CAMTA1: variants seen among roughly 807,000 people sequenced by gnomAD.
CAMTA1 encodes calmodulin-binding transcription activator 1.
A neutral mutation model predicts 170.9 loss-of-function variants in CAMTA1; 27 were observed. The ratio of observed to expected loss-of-function variants is 0.16; its 90% CI spans 0.12 to 0.22. The LOEUF (loss-of-function observed/expected upper bound fraction) is 0.22. Among genes scored for constraint, CAMTA1 ranks in the 10% least tolerant of loss-of-function variants. The pLI is 1.00. For missense variants in CAMTA1, 1,619 were observed against 2,217.2 expected (o/e 0.73, Z 5.42); for synonymous variants, 833 against 891.5 (o/e 0.93, Z 1.17).
chr1:6,837,192 G>A (rs1570700460), intron 3 of CAMTA1, among the ~76,000 whole-genome samples: 2 of 152,084 alleles, frequency 1.3e-5, no homozygotes, highest in Non-Finnish European at 2.9e-5. Flanking sequence ...TCCTGACCTC[G>A]TGATCCACCC....
intron 5 of CAMTA1, among the ~76,000 whole-genome samples, chr1:7,429,196 G>A (rs767984471): frequency 1.1e-4 from 16 of 152,180 alleles, no homozygotes; most frequent in Non-Finnish European, 2.1e-4. Flanking sequence ...CTGAGCATCC[G>A]TTTCCATACT....
intron 7 of CAMTA1, among the ~76,000 whole-genome samples, chr1:7,645,776 G>A (rs1245593594): frequency 6.6e-6 from 1 of 152,274 alleles, no homozygotes; most frequent in East Asian, 1.9e-4. Context: ...AGGGCTGGCT[G>A]TGGAATCAGC....
chr1:7,272,711 A>G lies in CAMTA1; in HGVS notation c.438+23085A>G, dbSNP rs1340920832. On this transcript the variant is annotated intron_variant, in intron 5 of 22. Coordinates refer to ENST00000303635, the MANE Select transcript of CAMTA1 (RefSeq NM_015215.4). ...CACATGCAAAAAAAAAAAAAAAAAA[A>G]AAAAAGAAAAGAAAAGAAAAGAAAT... 7.7e-4 allele frequency among the ~76,000 whole-genome samples: 114 copies of G among 147,874 alleles called. 1 individual carries two copies. Among genetic ancestry groups the G allele is most frequent in the African/African-American group, 2.7e-3 (108 of 40,324 alleles).
intron 3 of CAMTA1, among the ~76,000 whole-genome samples, chr1:6,988,003 G>C (rs1477591870): frequency 6.6e-6 from 1 of 152,164 alleles, no homozygotes; most frequent in Non-Finnish European, 1.5e-5. Context: ...AGCAGGAGCT[G>C]CTCTGCTTCC....
At chr1:7,304,289 G>A (rs534635879) in intron 5 of CAMTA1, among the ~76,000 whole-genome samples, 6 of 152,262 alleles carry the variant, frequency 3.9e-5, no homozygotes, top group South Asian at 2.1e-4. Flanking sequence ...TGGATAGAAC[G>A]AATGCACAAT....
At chr1:7,045,428 G>A (rs184271960) in intron 3 of CAMTA1, among the ~76,000 whole-genome samples, 84 of 152,236 alleles carry the variant, frequency 5.5e-4, no homozygotes, top group East Asian at 2.1e-3. Context: ...GTCACCATCC[G>A]GCACCAAATA....
intron 3 of CAMTA1, among the ~76,000 whole-genome samples, chr1:6,873,207 C>T (rs1438576392): frequency 2.0e-5 from 3 of 151,420 alleles, no homozygotes; most frequent in Non-Finnish European, 2.9e-5. Context: ...TATAATGTCC[C>T]AGTAGTCAGG....
Position 7,440,631 on chromosome 1 carries a change from G to C in CAMTA1, c.439-27199G>C, listed in dbSNP as rs549999376. 5.3e-4 allele frequency among the ~76,000 whole-genome samples: 81 copies of C among 152,068 alleles called. 2 individuals carry two copies. The highest frequency in any genetic ancestry group is 1.8e-3 in the African/African-American group (75 of 41,466). ...GCAGATATTTGTTTTTCCTTCAAGA[G>C]AGCAGCAGGTGAAGGTGTGGTCCCC... On this transcript the variant is annotated intron_variant, in intron 5 of 22. Transcript: ENST00000303635.
chr1:7,369,116 G>A (rs1429857297), intron 5 of CAMTA1: 1 of 152,358 alleles, frequency 6.6e-6, no homozygotes, highest in Non-Finnish European at 1.5e-5. Context: ...GCCTGGAGAA[G>A]GTAGGGTGGT....
At chr1:7,362,125 A>C (rs971731878) in intron 5 of CAMTA1, among the ~76,000 whole-genome samples, 1 of 152,286 alleles carries the variant, frequency 6.6e-6, no homozygotes, top group Non-Finnish European at 1.5e-5. Flanking sequence ...GGCTTGACAC[A>C]TGTGCCCTGC....
intron 11 of CAMTA1, among the ~76,000 whole-genome samples, chr1:7,728,854 T>C (rs1399434864): frequency 2.0e-5 from 3 of 152,172 alleles, no homozygotes; most frequent in Non-Finnish European, 4.4e-5. Flanking sequence ...TGTAGTCATC[T>C]TGTGTTTTCT....
chr1:7,522,365 TGA>T (rs1239888764), intron 6 of CAMTA1, among the ~76,000 whole-genome samples: 1 of 152,218 alleles, frequency 6.6e-6, no homozygotes, highest in African/African-American at 2.4e-5. Context: ...TGTTGAATTT[TGA>T]GAGTTTGTTA....
At position 6,921,902 on chromosome 1, in the gene CAMTA1, G is replaced by A. The variant is rs151175896; in HGVS notation, c.234+96692G>A. ...ATGGGAGCTACAAGATGAGATTTGG[G>A]TGGGGACACAGAGCCAAACCATATC... On this transcript the variant is annotated intron_variant, in intron 3 of 22. Transcript: ENST00000303635. Among the ~76,000 whole-genome samples the A allele has an allele frequency of 6.6e-5, 10 of 152,308 alleles. No individual in the cohort carries two copies. The East Asian group carries it at 1.7e-3, about 26-fold the overall frequency.
At chr1:7,654,964 C>T (rs556234662) in intron 7 of CAMTA1, among the ~76,000 whole-genome samples, 1 of 139,078 alleles carries the variant, frequency 7.2e-6, no homozygotes, top group Non-Finnish European at 1.6e-5. Context: ...ACAAACACAC[C>T]CACCTATACA....
chr1:7,194,897 A>G (rs1400825594), intron 4 of CAMTA1, among the ~76,000 whole-genome samples: 1 of 152,160 alleles, frequency 6.6e-6, no homozygotes, highest in East Asian at 1.9e-4. Context: ...CTCCTTTGTC[A>G]ATTTGAAGAG....
chr1:7,212,687 CA>C (rs1658997858), intron 4 of CAMTA1, among the ~76,000 whole-genome samples: 1 of 152,156 alleles, frequency 6.6e-6, no homozygotes, highest in South Asian at 2.1e-4. Flanking sequence ...GATGTTGGCA[CA>C]ATTAAGATAC....
At chr1:7,395,100 C>G (rs1000646478) in intron 5 of CAMTA1, among the ~76,000 whole-genome samples, 1 of 152,172 alleles carries the variant, frequency 6.6e-6, no homozygotes, top group African/African-American at 2.4e-5. Flanking sequence ...CCAGGCTGGT[C>G]TCAAACTCCT....
intron 6 of CAMTA1, among the ~76,000 whole-genome samples, chr1:7,590,661 T>C (rs1179157169): frequency 6.6e-6 from 1 of 152,210 alleles, no homozygotes; most frequent in Non-Finnish European, 1.5e-5. Flanking sequence ...AGCGCTAATT[T>C]TGGGGAGAAC....
At chr1:6,834,159 T>A (rs1651796064) in intron 3 of CAMTA1, among the ~76,000 whole-genome samples, 1 of 151,878 alleles carries the variant, frequency 6.6e-6, no homozygotes, top group East Asian at 1.9e-4. Flanking sequence ...GATTAATTTT[T>A]TTTTTTTTTT....
Sources: gnomAD v4.1 joint callset for allele counts (sites outside exome capture counted in the v4.1 genomes callset) on GRCh38, gnomAD v4.1.1 for gene constraint, MANE v1.5 for transcripts, NCBI Gene and HGNC (gene_info 2026-07-23, HGNC 2026-07-21) for gene names.